CDH12: variants seen among roughly 807,000 people sequenced by gnomAD.
CDH12 encodes cadherin-12.
CDH12 carries 41 observed loss-of-function variants against 74.1 expected under a neutral mutation model. That is an observed-to-expected ratio of 0.55 (90% CI 0.43 to 0.72). The LOEUF is 0.72. Among genes scored for constraint, CDH12 ranks in the 30% least tolerant of loss-of-function variants. The pLI is 0.00. For missense variants in CDH12, 945 were observed against 977.2 expected, an observed-to-expected ratio of 0.97 and a Z score of 0.44; for synonymous variants, 399 against 355.0, an observed-to-expected ratio of 1.12 and a Z score of -1.39.
At position 22,173,123 on chromosome 5, in the gene CDH12, TG is replaced by T. The variant is rs1297345540; in HGVS notation, c.-187+39374del. 3.1e-4 allele frequency among the ~76,000 whole-genome samples: 47 copies of T among 151,280 alleles called. 1 individual carries two copies. Among genetic ancestry groups the T allele is most frequent in the Non-Finnish European group, 6.1e-4 (41 of 67,652 alleles). The stretch of plus-strand genomic sequence containing the variant: ...CCTCCGTAATACATCATTTACATTT[TG>T]CTTTATTGATTTTCATTTAGCATAA... On this transcript the variant is annotated intron_variant, in intron 4 of 14. Coordinates refer to ENST00000382254, the MANE Select transcript of CDH12 (RefSeq NM_004061.5).
At chr5:22,845,458 C>T (rs761590520) in intron 1 of CDH12, among the ~76,000 whole-genome samples, 1 of 152,074 alleles carries the variant, frequency 6.6e-6, no homozygotes, top group African/African-American at 2.4e-5. Context: ...TTATCCATTC[C>T]TTCATTTATT....
chr5:22,396,108 G>A (rs1226478365), intron 3 of CDH12, among the ~76,000 whole-genome samples: 2 of 151,870 alleles, frequency 1.3e-5, no homozygotes, highest in Non-Finnish European at 2.9e-5. Context: ...TTTTAAGCTG[G>A]GATTTTTATT....
At chr5:22,213,123 CAA>C (rs1751636299) in intron 3 of CDH12, among the ~76,000 whole-genome samples, 1 of 152,154 alleles carries the variant, frequency 6.6e-6, no homozygotes, top group South Asian at 2.1e-4. Flanking sequence ...GCGATGTGAT[CAA>C]AGAGATAGCT....
intron 10 of CDH12, among the ~76,000 whole-genome samples, chr5:21,792,916 A>G (rs79469450): frequency 6.6e-6 from 1 of 151,892 alleles, no homozygotes; most frequent in African/African-American, 2.4e-5. Flanking sequence ...TCTCAGTTTT[A>G]TCAGATATTA....
At chr5:22,274,948 A>C (rs1736562958) in intron 3 of CDH12, among the ~76,000 whole-genome samples, 1 of 152,220 alleles carries the variant, frequency 6.6e-6, no homozygotes, top group Admixed American at 6.5e-5. Context: ...AACCTTTCAC[A>C]GTGCACTGTA....
intron 2 of CDH12, among the ~76,000 whole-genome samples, chr5:22,451,836 T>C (rs1745055961): frequency 6.6e-6 from 1 of 151,856 alleles, no homozygotes; most frequent in Non-Finnish European, 1.5e-5. Context: ...ACCAATGAAG[T>C]AGTGTAGACT....
intron 2 of CDH12, among the ~76,000 whole-genome samples, chr5:22,416,224 G>A (rs1390014233): frequency 5.3e-5 from 8 of 150,714 alleles, no homozygotes; most frequent in East Asian, 2.0e-4. Context: ...ACAGGCGCCC[G>A]CCACCACGCC....
chr5:22,657,639 T>C (rs1740118333), intron 1 of CDH12, among the ~76,000 whole-genome samples: 1 of 152,184 alleles, frequency 6.6e-6, no homozygotes, highest in Non-Finnish European at 1.5e-5. Context: ...GAAATATTTC[T>C]ATGGTGACAT....
intron 3 of CDH12, among the ~76,000 whole-genome samples, chr5:22,391,378 T>A (rs1229901401): frequency 6.6e-6 from 1 of 152,190 alleles, no homozygotes; most frequent in Non-Finnish European, 1.5e-5. Context: ...ATTCAACAAA[T>A]ATGTATTGAA....
In CDH12 at chr5:22,003,783, G is replaced by A. The variant is rs559529899; in HGVS notation, c.232-28398C>T. On this transcript the variant is annotated intron_variant, in intron 5 of 14. Transcript: ENST00000382254. ...CAATAAATAAATGTTTATTTGTTTC[G>A]TTTCATGAAAGAATAAATGATCAGC... is the stretch of plus-strand genomic sequence containing the variant. Among the ~76,000 whole-genome samples, 9 of 71,892 alleles carry A rather than the reference G, an allele frequency of 1.3e-4. No individual in the cohort carries two copies. In the East Asian group the frequency reaches 1.4e-3, roughly 11 times the overall value. The allele number at this position is 71,892 out of a possible 152,430, so 47.2% of individuals were successfully genotyped here.
At chr5:22,145,694 A>T (rs551243034) in intron 4 of CDH12, among the ~76,000 whole-genome samples, 1 of 152,146 alleles carries the variant, frequency 6.6e-6, no homozygotes, top group Non-Finnish European at 1.5e-5. Flanking sequence ...TAAGTATTTC[A>T]TCTCCAAAAT....
At chr5:21,996,018 A>G (rs1424818531) in intron 5 of CDH12, among the ~76,000 whole-genome samples, 1 of 151,600 alleles carries the variant, frequency 6.6e-6, no homozygotes, top group Non-Finnish European at 1.5e-5. Context: ...GTGCTAATGA[A>G]GCTTGAAATT....
intron 3 of CDH12, among the ~76,000 whole-genome samples, chr5:22,342,625 TTTCTA>T (rs1339189331): frequency 4.3e-5 from 2 of 46,002 alleles, no homozygotes; most frequent in African/African-American, 8.2e-5. Context: ...TTTCTTTCCT[TTTCTA>T]TTTCTTTCTC....
intron 4 of CDH12, among the ~76,000 whole-genome samples, chr5:22,109,334 ACTG>A (rs1744682539): frequency 6.6e-6 from 1 of 152,200 alleles, no homozygotes; most frequent in African/African-American, 2.4e-5. Context: ...AAGCATGCCT[ACTG>A]CCCATTATAA....
rs76308374 is a variant in CDH12, at chr5:22,825,697, A to G, written c.-523+27361T>C. Among the ~76,000 whole-genome samples, 1,141 of 152,288 alleles carry G rather than the reference A, an allele frequency of 7.5e-3. 11 individuals carry two copies. Among genetic ancestry groups the G allele is most frequent in the African/African-American group, 0.026 (1,083 of 41,556 alleles). On this transcript the variant is annotated intron_variant, in intron 1 of 14. Transcript: ENST00000382254. ...TTCTAAAACATTGTAAGTCCTCTGTACACAATTGGCTTGTACTCAGAATGC... is the reference window on the plus strand; with the variant it reads ...TTCTAAAACATTGTAAGTCCTCTGTGCACAATTGGCTTGTACTCAGAATGC...
chr5:22,694,125 A>G (rs1016727344), intron 1 of CDH12, among the ~76,000 whole-genome samples: 3 of 152,112 alleles, frequency 2.0e-5, no homozygotes, highest in Non-Finnish European at 2.9e-5. Context: ...TTTTTTGTAG[A>G]GATGGGGTCT....
chr5:22,726,454 T>C lies in CDH12; in HGVS notation c.-523+126604A>G, dbSNP rs79885975. Among the ~76,000 whole-genome samples the C allele has an allele frequency of 2.3e-3, 348 of 151,900 alleles. 10 individuals carry two copies. In the East Asian group the frequency reaches 0.056, roughly 24 times the overall value. ...ATTCATTCACCTACTGAAAGACATA[T>C]TGATTACCTAGGTAAATTCCAAGAA... On this transcript the variant is annotated intron_variant, in intron 1 of 14. Transcript: ENST00000382254.
intron 1 of CDH12, among the ~76,000 whole-genome samples, chr5:22,589,421 C>A (rs1201435589): frequency 6.6e-6 from 1 of 152,148 alleles, no homozygotes; most frequent in Non-Finnish European, 1.5e-5. Flanking sequence ...TTTTGAGGCC[C>A]ATGGCTCCTC....
chr5:22,379,309 T>C (rs1741662466), intron 3 of CDH12, among the ~76,000 whole-genome samples: 1 of 152,296 alleles, frequency 6.6e-6, no homozygotes, highest in Non-Finnish European at 1.5e-5. Flanking sequence ...AAGTATGATA[T>C]GGTCAGTAGA....
Sources: gnomAD v4.1 joint callset for allele counts (sites outside exome capture counted in the v4.1 genomes callset) on GRCh38, gnomAD v4.1.1 for gene constraint, MANE v1.5 for transcripts, NCBI Gene and HGNC (gene_info 2026-07-23, HGNC 2026-07-21) for gene names.